SLC16A7: variants seen among roughly 807,000 people sequenced by gnomAD.
The protein encoded by SLC16A7 is solute carrier family 16 member 7, also known as monocarboxylate transporter 2.
SLC16A7 carries 33 observed loss-of-function variants against 34.9 expected under a neutral mutation model. That is an observed-to-expected ratio of 0.94 (90% CI 0.72 to 1.26). SLC16A7 has a LOEUF of 1.26. Ranked by LOEUF, SLC16A7 falls within the 50% of genes most tolerant of loss-of-function variation. The pLI is 0.00. For missense variants in SLC16A7, 573 were observed against 578.1 expected (o/e 0.99, Z 0.09); for synonymous variants, 201 against 206.6 (o/e 0.97, Z 0.23).
chr12:59,676,903 A>G (rs753582810), intron 2 of SLC16A7, among the ~76,000 whole-genome samples: 9 of 152,218 alleles, frequency 5.9e-5, no homozygotes, highest in African/African-American at 2.4e-5. Flanking sequence ...GCATATTAAC[A>G]TAATTAATAT....
rs145014951 is a variant in SLC16A7 at position 59,644,033 on chromosome 12, C to T, written c.-129-11119C>T. On this transcript the variant is annotated intron_variant, in intron 1 of 5. Transcript: ENST00000547379. Reference sequence around the variant, plus strand: ...TCTGAGCATATGGCAGATTTTGAATCGGAAATATGGATACAGCATTTGATA... The same window carrying T: ...TCTGAGCATATGGCAGATTTTGAATTGGAAATATGGATACAGCATTTGATA... 1.8e-3 allele frequency among the ~76,000 whole-genome samples: 267 copies of T among 152,058 alleles called. 2 individuals are homozygous for T. The highest frequency in any genetic ancestry group is 7.9e-4 in the Non-Finnish European group (54 of 68,000).
At chr12:59,765,007 T>G (rs1017644435) in intron 3 of SLC16A7, among the ~76,000 whole-genome samples, 1 of 152,182 alleles carries the variant, frequency 6.6e-6, no homozygotes, top group Non-Finnish European at 1.5e-5. Flanking sequence ...GTTTCCTGAC[T>G]TTTAATGATA....
At chr12:59,734,011 C>T in intron 3 of SLC16A7, 1 of 344,862 alleles carries the variant, frequency 2.9e-6, no homozygotes, top group Non-Finnish European at 5.8e-6. Flanking sequence ...CATGGGTGGG[C>T]CTGGAAAAAG....
chr12:59,670,848 C>A (rs142651839), intron 2 of SLC16A7, among the ~76,000 whole-genome samples: 1 of 152,134 alleles, frequency 6.6e-6, no homozygotes, highest in Admixed American at 6.5e-5. Context: ...TAACTCTGCC[C>A]CCTCCACCCT....
intron 1 of SLC16A7, among the ~76,000 whole-genome samples, chr12:59,649,942 T>G (rs1868312420): frequency 6.6e-6 from 1 of 151,874 alleles, no homozygotes; most frequent in African/African-American, 2.4e-5. Flanking sequence ...AGAGTGGAAC[T>G]CCATCCCCCC....
At position 59,636,002 on chromosome 12, in the gene SLC16A7, TAAA is replaced by T. The variant is rs5798503; in HGVS notation, c.-129-19135_-129-19133del. On this transcript the variant is annotated intron_variant, in intron 1 of 5. Transcript: ENST00000547379. ...CCAATTTCTATTAAATGCACTTCTG[TAAA>T]AAAAAAAAAAAAAACTGTGTAGGGT... 9.7e-3 allele frequency among the ~76,000 whole-genome samples: 1,401 copies of T among 144,320 alleles called. 24 individuals carry two copies. The highest frequency in any genetic ancestry group is 0.026 in the African/African-American group (1,045 of 39,852). 94.7% of individuals were successfully genotyped at this position (144,320 alleles called of 152,430 possible).
chr12:59,624,474 C>T (rs1376544979), intron 1 of SLC16A7, among the ~76,000 whole-genome samples: 1 of 151,628 alleles, frequency 6.6e-6, no homozygotes, highest in Non-Finnish European at 1.5e-5. Flanking sequence ...TGACTTTGAT[C>T]TTTATCATGT....
intron 2 of SLC16A7, among the ~76,000 whole-genome samples, chr12:59,683,220 C>A (rs973880689): frequency 6.6e-6 from 1 of 152,102 alleles, no homozygotes; most frequent in African/African-American, 2.4e-5. Flanking sequence ...GAGTGTTATG[C>A]AATTTGAATA....
chr12:59,775,424 C>CT lies in SLC16A7; in HGVS notation c.1131dup (p.Val378CysfsTer18). On this transcript the variant is annotated frameshift_variant, in exon 5 of 6. Coordinates refer to ENST00000547379, the MANE Select transcript of SLC16A7 (RefSeq NM_001270623.2). LOFTEE classifies it high-confidence loss of function. ...ACCAAGATTTTCCAGTGCCGTCGGA[C>CT]TTGTCACAATTGTGGAGTGTGGCCC... The CT allele has an allele frequency of 6.2e-7, 1 of 1,614,080 alleles. No individual in the cohort carries two copies.
intron 3 of SLC16A7, among the ~76,000 whole-genome samples, chr12:59,755,934 G>C (rs894120187): frequency 6.6e-6 from 1 of 152,148 alleles, no homozygotes; most frequent in Non-Finnish European, 1.5e-5. Context: ...GCAGAACAGA[G>C]CCCTCAGAAA....
At chr12:59,750,834 G>C (rs1310904656) in intron 3 of SLC16A7, among the ~76,000 whole-genome samples, 1 of 152,084 alleles carries the variant, frequency 6.6e-6, no homozygotes, top group African/African-American at 2.4e-5. Flanking sequence ...TGATAGACTG[G>C]ATAAAGAAAA....
At position 59,737,666 on chromosome 12, in the gene SLC16A7, G is replaced by T. The variant is rs77734362; in HGVS notation, c.217+32648G>T. Among the ~76,000 whole-genome samples, 131 of 152,136 alleles carry T rather than the reference G, an allele frequency of 8.6e-4. 1 individual carries two copies. In the East Asian group the frequency reaches 0.016, roughly 19 times the overall value. ...TTTATTTGAAAAGACTGGACTTTTG[G>T]GGGGATGACTTGGACTCCCTGTCTT... On this transcript the variant is annotated intron_variant, in intron 3 of 5. Transcript: ENST00000547379.
chr12:59,707,488 GT>G (rs752552503), intron 3 of SLC16A7, among the ~76,000 whole-genome samples: 90 of 151,806 alleles, frequency 5.9e-4, no homozygotes, highest in Non-Finnish European at 9.4e-4. Flanking sequence ...ACAAATAAAT[GT>G]TTTTATTTTA....
At chr12:59,632,641 G>A (rs1880234542) in intron 1 of SLC16A7, among the ~76,000 whole-genome samples, 1 of 151,964 alleles carries the variant, frequency 6.6e-6, no homozygotes, top group African/African-American at 2.4e-5. Context: ...GAAGCCAGTG[G>A]CACACTCCCA....
chr12:59,759,519 T>C (rs1347692218), intron 3 of SLC16A7, among the ~76,000 whole-genome samples: 1 of 152,054 alleles, frequency 6.6e-6, no homozygotes, highest in Admixed American at 6.6e-5. Flanking sequence ...AATACAGTTT[T>C]TTATTTACGT....
rs1294438554 is a variant in SLC16A7, at chr12:59,655,145, C to A, written c.-129-7C>A. 1 of 151,850 alleles carries A rather than the reference C, an allele frequency of 6.6e-6. No homozygotes were observed. The highest frequency in any genetic ancestry group is 2.4e-5 in the African/African-American group (1 of 41,382). The allele number at this position is 151,850 out of a possible 1,614,324, so 9.4% of individuals were successfully genotyped here. ...TAGATGGTTACTATATTCTTTGATT[C>A]TTCTAGGAGTCAATCTTAAGATGTG... On this transcript the variant is annotated splice_polypyrimidine_tract_variant and splice_region_variant and intron_variant, in intron 1 of 5. Transcript: ENST00000547379.
At chr12:59,615,139 A>C (rs1879389849) in intron 1 of SLC16A7, among the ~76,000 whole-genome samples, 1 of 152,220 alleles carries the variant, frequency 6.6e-6, no homozygotes, top group African/African-American at 2.4e-5. Flanking sequence ...ACAAAGTACT[A>C]TCCTGGAAGG....
intron 1 of SLC16A7, among the ~76,000 whole-genome samples, chr12:59,635,994 C>A (rs1488986671): frequency 5.1e-5 from 4 of 78,992 alleles, no homozygotes; most frequent in African/African-American, 1.9e-4. Flanking sequence ...CTATTAAATG[C>A]ACTTCTGTAA....
chr12:59,695,058 G>T lies in SLC16A7; in HGVS notation c.-30-9714G>T, dbSNP rs1872118347. ...GGACTTGTCAAGATCTCTTTTATCT[G>T]GTCCCTAAGCTGGCCTGTATAAATT... On this transcript the variant is annotated intron_variant, in intron 2 of 5. Transcript: ENST00000547379. Among the ~76,000 whole-genome samples, 3 of 151,582 alleles carry T rather than the reference G, an allele frequency of 2.0e-5. No individual in the cohort carries two copies. The South Asian group carries it at 6.3e-4, about 32-fold the overall frequency.
Sources: allele counts gnomAD v4.1 joint callset (sites outside exome capture counted in the v4.1 genomes callset), GRCh38; gene constraint gnomAD v4.1.1; transcripts MANE v1.5; gene names NCBI Gene and HGNC (gene_info 2026-07-23, HGNC 2026-07-21).